Variants in WAPL observed in about 807,000 individuals in gnomAD.
WAPL encodes WAPL cohesin release factor.
A neutral mutation model predicts 121.0 loss-of-function variants in WAPL; 5 were observed. The ratio of observed to expected loss-of-function variants is 0.04; its 90% confidence interval spans 0.02 to 0.09. WAPL has a LOEUF of 0.09. WAPL is among the 10% of genes least tolerant of loss of function. The pLI is 1.00. For synonymous variants in WAPL, 480 were observed against 481.5 expected (o/e 1.00, Z 0.04); for missense variants, 999 against 1,410.8 (o/e 0.71, Z 4.68).
At chr10:86,505,638 C>T (rs1225447026) in intron 2 of WAPL, among the ~76,000 whole-genome samples, 1 of 151,922 alleles carries the variant, frequency 6.6e-6, no homozygotes, top group Non-Finnish European at 1.5e-5. Flanking sequence ...TTGTACCAGC[C>T]TCGGCTCTTA....
chr10:86,464,659 C>T (rs1007998408), intron 9 of WAPL, among the ~76,000 whole-genome samples: 2 of 152,158 alleles, frequency 1.3e-5, no homozygotes, highest in Non-Finnish European at 2.9e-5. Flanking sequence ...CATAGCAAAA[C>T]TCTGTCTCTA....
At chr10:86,494,836 G>C (rs1842120883) in intron 4 of WAPL, among the ~76,000 whole-genome samples, 1 of 152,162 alleles carries the variant, frequency 6.6e-6, no homozygotes, top group African/African-American at 2.4e-5. Flanking sequence ...CCCATTTCTT[G>C]AGTTTTGGGG....
intron 2 of WAPL, among the ~76,000 whole-genome samples, chr10:86,506,400 G>A (rs1040026666): frequency 3.3e-5 from 5 of 152,168 alleles, no homozygotes; most frequent in Non-Finnish European, 7.3e-5. Context: ...AGACCCTTTT[G>A]TGTGGTTTTC....
intron 4 of WAPL, among the ~76,000 whole-genome samples, chr10:86,488,828 A>C (rs554693299): frequency 6.6e-6 from 1 of 152,360 alleles, no homozygotes; most frequent in Admixed American, 6.5e-5. Context: ...TGTAGAACAA[A>C]TGCTATAATT....
intron 4 of WAPL, among the ~76,000 whole-genome samples, chr10:86,494,287 AAGTAC>A (rs1163345012): frequency 7.2e-5 from 11 of 152,342 alleles, no homozygotes; most frequent in African/African-American, 2.6e-4. Flanking sequence ...GCTGCATGCA[AAGTAC>A]AGTGGTTGTA....
At chr10:86,449,464 G>C (rs1840915175) in intron 15 of WAPL, among the ~76,000 whole-genome samples, 1 of 152,166 alleles carries the variant, frequency 6.6e-6, no homozygotes, top group African/African-American at 2.4e-5. Flanking sequence ...ATAAAAGAAA[G>C]ACAGAGAAGA....
At chr10:86,458,493 C>T (rs1841201409) in intron 12 of WAPL, among the ~76,000 whole-genome samples, 1 of 152,120 alleles carries the variant, frequency 6.6e-6, no homozygotes, top group South Asian at 2.1e-4. Flanking sequence ...AGGAAAAATG[C>T]TTAGTATTTA....
chr10:86,512,515 T>G (rs561960204), intron 2 of WAPL, among the ~76,000 whole-genome samples: 1 of 152,352 alleles, frequency 6.6e-6, no homozygotes, highest in African/African-American at 2.4e-5. Context: ...AAGAGAAGCC[T>G]TCTTTTTGCC....
chr10:86,510,058 T>C (rs568167231), intron 2 of WAPL, among the ~76,000 whole-genome samples: 3 of 124,192 alleles, frequency 2.4e-5, no homozygotes, highest in African/African-American at 3.2e-5. Flanking sequence ...CATCAGCCAC[T>C]CCACCCGGCC....
intron 2 of WAPL, among the ~76,000 whole-genome samples, chr10:86,501,660 A>G (rs571379000): frequency 6.6e-6 from 1 of 152,318 alleles, no homozygotes; most frequent in South Asian, 2.1e-4. Context: ...TTCACTGCAT[A>G]ATTTTTAATT....
At position 86,436,893 on chromosome 10, in the gene WAPL, T is replaced by C. The variant is rs1187282551; in HGVS notation, c.*650A>G. On this transcript the variant is annotated 3_prime_UTR_variant, in exon 19 of 19. Coordinates refer to ENST00000298767, the MANE Select transcript of WAPL (RefSeq NM_015045.5). ...TGGTTGTGGTCTCAAAAGTAAAAAA[T>C]AGTTCAATAACCCAAACCTAATCAA... The C allele has an allele frequency of 6.6e-6, 1 of 152,594 alleles. No homozygotes were observed. The highest frequency in any genetic ancestry group is 1.5e-5 in the Non-Finnish European group (1 of 68,022). The allele number at this position is 152,594 out of a possible 1,614,324, so 9.5% of individuals were successfully genotyped here. A position where few individuals can be genotyped will look rare whatever the true frequency, so the allele number is the denominator to read the frequency against.
chr10:86,440,468 T>G (rs1211184917), intron 17 of WAPL, among the ~76,000 whole-genome samples: 1 of 151,648 alleles, frequency 6.6e-6, no homozygotes, highest in South Asian at 2.1e-4. Context: ...TTTTTTTGTA[T>G]TTTTAGTAGA....
chr10:86,497,669 A>C (rs1446254249), intron 3 of WAPL, among the ~76,000 whole-genome samples: 2 of 152,224 alleles, frequency 1.3e-5, no homozygotes, highest in East Asian at 3.8e-4. Flanking sequence ...TGGAATGGTA[A>C]GGTTTATACA....
intron 3 of WAPL, among the ~76,000 whole-genome samples, chr10:86,499,327 A>T (rs906159862): frequency 6.6e-6 from 1 of 152,184 alleles, no homozygotes; most frequent in African/African-American, 2.4e-5. Flanking sequence ...TCTAGGAAGA[A>T]ACTATGCAGC....
At chr10:86,517,042 C>A (rs1564592319) in intron 2 of WAPL, among the ~76,000 whole-genome samples, 1 of 152,034 alleles carries the variant, frequency 6.6e-6, no homozygotes. Flanking sequence ...CAGCGAGACT[C>A]CTTCTCAAAA....
chr10:86,516,099 C>G (rs1842550360), intron 2 of WAPL, among the ~76,000 whole-genome samples: 2 of 152,084 alleles, frequency 1.3e-5, no homozygotes, highest in Non-Finnish European at 2.9e-5. Flanking sequence ...AACTCCTGAC[C>G]TCAGGTGATC....
At chr10:86,488,147 G>C (rs1175819784) in intron 4 of WAPL, among the ~76,000 whole-genome samples, 1 of 152,112 alleles carries the variant, frequency 6.6e-6, no homozygotes, top group Non-Finnish European at 1.5e-5. Context: ...AGAATAAAAC[G>C]TGGTATTGGA....
At chr10:86,476,613 C>G (rs1004714450) in intron 4 of WAPL, among the ~76,000 whole-genome samples, 2 of 150,826 alleles carry the variant, frequency 1.3e-5, no homozygotes, top group Admixed American at 6.6e-5. Flanking sequence ...CAGTTGAACC[C>G]GGGAGGTGGA....
At chr10:86,463,516 T>C (rs1272345687) in intron 9 of WAPL, among the ~76,000 whole-genome samples, 2 of 152,216 alleles carry the variant, frequency 1.3e-5, no homozygotes, top group African/African-American at 4.8e-5. Flanking sequence ...GTTTTAAAAG[T>C]TAAAAAATAA....
Sources: gnomAD v4.1 joint callset for allele counts (sites outside exome capture counted in the v4.1 genomes callset) on GRCh38, gnomAD v4.1.1 for gene constraint, MANE v1.5 for transcripts, NCBI Gene and HGNC (gene_info 2026-07-23, HGNC 2026-07-21) for gene names.